The following PRKCA variants were observed in gnomAD, a reference collection of about 807,000 sequenced individuals.
PRKCA encodes the protein protein kinase C alpha, also known as protein kinase C alpha type.
Under a neutral mutation model 87.0 loss-of-function variants are expected in PRKCA, and 27 were observed. That is an observed-to-expected ratio of 0.31 (90% CI 0.23 to 0.43). The LOEUF (loss-of-function observed/expected upper bound fraction) is 0.43. PRKCA is among the 20% of genes least tolerant of loss of function. PRKCA has a pLI of 1.00. For synonymous variants in PRKCA, 329 were observed against 311.1 expected (o/e 1.06, Z -0.61); for missense variants, 518 against 852.3 (o/e 0.61, Z 4.88).
At chr17:66,303,780 A>T (rs1598576827) in intron 1 of PRKCA, among the ~76,000 whole-genome samples, 1 of 151,996 alleles carries the variant, frequency 6.6e-6, no homozygotes, top group African/African-American at 2.4e-5. Context: ...AGGCAGGCGG[A>T]TCACCTAAGG....
chr17:66,382,762 G>C (rs1405242852), intron 2 of PRKCA, among the ~76,000 whole-genome samples: 2 of 152,044 alleles, frequency 1.3e-5, no homozygotes, highest in East Asian at 3.9e-4. Context: ...GTTATACTGG[G>C]GCTGGAGGGC....
chr17:66,645,584 G>T (rs532248051), intron 5 of PRKCA, 73 bp downstream of exon 5: 10 of 1,588,156 alleles, frequency 6.3e-6, no homozygotes, highest in Non-Finnish European at 8.6e-6. Context: ...ATTAAGGCAG[G>T]GTGGGGGCTG....
rs368116518 is a variant in PRKCA, at chr17:66,660,053, A to G, written c.529+14542A>G. ...GGCGGTGTGCCACAGTCATGGCTGGATTCAAAGATCTTCTGATTTGTGATT... is the reference window on the plus strand; with the variant it reads ...GGCGGTGTGCCACAGTCATGGCTGGGTTCAAAGATCTTCTGATTTGTGATT... On this transcript the variant is annotated intron_variant, in intron 5 of 16. Coordinates refer to ENST00000413366, the MANE Select transcript of PRKCA (RefSeq NM_002737.3). Among the ~76,000 whole-genome samples the G allele has an allele frequency of 1.3e-3, 191 of 152,270 alleles. 1 individual carries two copies. The highest frequency in any genetic ancestry group is 4.4e-3 in the African/African-American group (184 of 41,562).
intron 3 of PRKCA, among the ~76,000 whole-genome samples, chr17:66,582,341 T>C (rs1969467856): frequency 6.6e-6 from 1 of 152,156 alleles, no homozygotes; most frequent in Non-Finnish European, 1.5e-5. Context: ...GGATTTGATA[T>C]AGTGTGGCTG....
At chr17:66,373,786 C>T (rs1909245434) in intron 2 of PRKCA, among the ~76,000 whole-genome samples, 1 of 152,180 alleles carries the variant, frequency 6.6e-6, no homozygotes, top group African/African-American at 2.4e-5. Flanking sequence ...TCACTTTCAT[C>T]CTAAAATCGG....
chr17:66,374,736 T>TC (rs961564097), intron 2 of PRKCA, among the ~76,000 whole-genome samples: 4 of 148,322 alleles, frequency 2.7e-5, no homozygotes, highest in African/African-American at 1.0e-4. Context: ...TTTTTTTTTT[T>TC]TTTCTTTCTG....
chr17:66,685,652 C>T (rs1037634931), intron 5 of PRKCA, among the ~76,000 whole-genome samples: 7 of 152,116 alleles, frequency 4.6e-5, no homozygotes, highest in Non-Finnish European at 7.3e-5. Flanking sequence ...CTAGTAAAGG[C>T]AATGCCTGTC....
At chr17:66,776,572 T>C (rs1489704080) in intron 14 of PRKCA, among the ~76,000 whole-genome samples, 2 of 152,090 alleles carry the variant, frequency 1.3e-5, no homozygotes, top group Non-Finnish European at 2.9e-5. Flanking sequence ...CCTCCCAAAG[T>C]GCTGGGATTA....
chr17:66,379,139 C>T (rs536366416), intron 2 of PRKCA, among the ~76,000 whole-genome samples: 11 of 152,054 alleles, frequency 7.2e-5, no homozygotes, highest in African/African-American at 2.4e-4. Flanking sequence ...TTTTTGTGGA[C>T]GTGTGTGTTC....
intron 8 of PRKCA, among the ~76,000 whole-genome samples, chr17:66,714,214 T>TC (rs892402266): frequency 5.9e-5 from 9 of 151,482 alleles, no homozygotes; most frequent in East Asian, 1.9e-4. Context: ...CCAGCCATGT[T>TC]CCCCCCCACC....
Position 66,689,746 on chromosome 17 carries a change from C to T in PRKCA, c.918+699C>T, listed in dbSNP as rs1233664091. Among the ~76,000 whole-genome samples the T allele has an allele frequency of 6.6e-6, 1 of 152,150 alleles. No homozygotes were observed. The highest frequency in any genetic ancestry group is 1.5e-5 in the Non-Finnish European group (1 of 68,044). On this transcript the variant is annotated intron_variant, in intron 8 of 16. Transcript: ENST00000413366. The surrounding 1 kb of genome is among the most constrained non-coding windows in gnomAD (Gnocchi z 4.1). ...AGTAAACGGTTCTTTTCTGTAAGCA[C>T]CTTCCTTATGTTTTAAAGGCACAAC...
At chr17:66,678,796 GT>G (rs1414127648) in intron 5 of PRKCA, among the ~76,000 whole-genome samples, 1 of 152,118 alleles carries the variant, frequency 6.6e-6, no homozygotes, top group Non-Finnish European at 1.5e-5. Flanking sequence ...GTGGAGTGTC[GT>G]TTTTCCTTGG....
intron 3 of PRKCA, among the ~76,000 whole-genome samples, chr17:66,517,781 C>T (rs1967015384): frequency 6.6e-6 from 1 of 152,164 alleles, no homozygotes; most frequent in Non-Finnish European, 1.5e-5. Flanking sequence ...AGGTGTGCAA[C>T]TTCCATGCTT....
Position 66,665,918 on chromosome 17 carries a change from G to A in PRKCA, c.529+20407G>A, listed in dbSNP as rs370481092. The stretch of plus-strand genomic sequence containing the variant: ...TAGCATCTGAAGACAGAGGAGTGGC[G>A]TGTAGCTCATTTTGGCCTTTCCTGT... On this transcript the variant is annotated intron_variant, in intron 5 of 16. Transcript: ENST00000413366. Among the ~76,000 whole-genome samples the A allele has an allele frequency of 2.1e-4, 32 of 152,298 alleles. 1 individual carries two copies. The South Asian group carries it at 6.4e-3, about 31-fold the overall frequency.
chr17:66,474,444 T>G (rs112687309), intron 2 of PRKCA, among the ~76,000 whole-genome samples: 1 of 152,222 alleles, frequency 6.6e-6, no homozygotes, highest in Admixed American at 6.5e-5. Flanking sequence ...GCTATTGTTA[T>G]GCAAATTGGA....
intron 2 of PRKCA, among the ~76,000 whole-genome samples, chr17:66,387,119 A>G (rs1346028260): frequency 2.0e-5 from 3 of 152,252 alleles, no homozygotes; most frequent in African/African-American, 7.2e-5. Flanking sequence ...GTTGGGAGCC[A>G]TGTGGATGAT....
At chr17:66,396,623 TTC>T (rs779049581) in intron 2 of PRKCA, among the ~76,000 whole-genome samples, 3 of 95,368 alleles carry the variant, frequency 3.1e-5, no homozygotes, top group Admixed American at 2.8e-4. Flanking sequence ...CTGTCATTCA[TTC>T]TCTCTCTTTT....
chr17:66,513,106 C>G (rs767795958), intron 3 of PRKCA, among the ~76,000 whole-genome samples: 4 of 152,190 alleles, frequency 2.6e-5, no homozygotes, highest in Non-Finnish European at 4.4e-5. Context: ...TTGAAAGCAC[C>G]GTGAGAGCAG....
chr17:66,627,478 A>G (rs1212911070), intron 3 of PRKCA, among the ~76,000 whole-genome samples: 2 of 152,210 alleles, frequency 1.3e-5, no homozygotes, highest in African/African-American at 4.8e-5. Context: ...TGCATATGAT[A>G]CTTTTGCATG....
Sources: gnomAD v4.1 joint callset for allele counts (sites outside exome capture counted in the v4.1 genomes callset) on GRCh38, gnomAD v4.1.1 for gene constraint, Gnocchi (gnomAD v3.1) non-coding constraint, MANE v1.5 for transcripts, NCBI Gene and HGNC (gene_info 2026-07-23, HGNC 2026-07-21) for gene names.